The following CDK17 variants were observed in gnomAD, a reference collection of about 807,000 sequenced individuals.
CDK17 encodes cyclin-dependent kinase 17.
CDK17 carries 24 observed loss-of-function variants against 77.6 expected under a neutral mutation model. That is an observed-to-expected ratio of 0.31 (90% CI 0.22 to 0.44). CDK17 has a LOEUF of 0.44. Among genes scored for constraint, CDK17 ranks in the 20% least tolerant of loss-of-function variants. The pLI is 1.00. For synonymous variants in CDK17, 203 were observed against 210.4 expected, an observed-to-expected ratio of 0.96 and a Z score of 0.30; for missense variants, 429 against 622.5, an observed-to-expected ratio of 0.69 and a Z score of 3.31.
chr12:96,369,099 CAACT>C (rs923109170), intron 1 of CDK17, among the ~76,000 whole-genome samples: 2 of 151,804 alleles, frequency 1.3e-5, no homozygotes, highest in Non-Finnish European at 2.9e-5. Flanking sequence ...TCTGGTGAAT[CAACT>C]AACTCAGGAC....
chr12:96,301,231 A>G (rs1021247613), intron 5 of CDK17, among the ~76,000 whole-genome samples: 2 of 136,276 alleles, frequency 1.5e-5, no homozygotes, highest in African/African-American at 5.6e-5. Flanking sequence ...ACCCCCCCTC[A>G]ACACTCGGCC....
intron 1 of CDK17, among the ~76,000 whole-genome samples, chr12:96,374,155 A>G (rs1953741381): frequency 6.6e-6 from 1 of 152,218 alleles, no homozygotes; most frequent in Admixed American, 6.5e-5. Context: ...AAAATGAGAA[A>G]TTAAGTAACT....
At chr12:96,341,246 A>G (rs920296961) in intron 1 of CDK17, among the ~76,000 whole-genome samples, 9 of 151,984 alleles carry the variant, frequency 5.9e-5, no homozygotes, top group African/African-American at 1.9e-4. Flanking sequence ...TGTAAATGTC[A>G]TTCTTCAGAG....
chr12:96,377,225 T>C (rs907681975), intron 1 of CDK17, among the ~76,000 whole-genome samples: 4 of 152,200 alleles, frequency 2.6e-5, no homozygotes, highest in Non-Finnish European at 4.4e-5. Context: ...TGAACTTCCT[T>C]ATAACCTTGG....
chr12:96,293,375 T>C (rs1352892838), intron 10 of CDK17, among the ~76,000 whole-genome samples: 1 of 152,176 alleles, frequency 6.6e-6, no homozygotes, highest in Non-Finnish European at 1.5e-5. Flanking sequence ...GGATTCCACA[T>C]CTGTTTTTGC....
chr12:96,356,519 C>G (rs1953397313), intron 1 of CDK17, among the ~76,000 whole-genome samples: 1 of 152,180 alleles, frequency 6.6e-6, no homozygotes, highest in African/African-American at 2.4e-5. Context: ...AATCCTCCCA[C>G]CTGGGCCTCC....
At chr12:96,299,387 AATT>A (rs1333567691) in intron 6 of CDK17, among the ~76,000 whole-genome samples, 3 of 111,092 alleles carry the variant, frequency 2.7e-5, no homozygotes, top group South Asian at 3.3e-4. Flanking sequence ...TTAAATGATA[AATT>A]TTTTTTTTTT....
At chr12:96,283,179 G>A (rs1952198615) in intron 14 of CDK17, among the ~76,000 whole-genome samples, 1 of 152,146 alleles carries the variant, frequency 6.6e-6, no homozygotes, top group East Asian at 1.9e-4. Flanking sequence ...TTTCTGTAAA[G>A]CTTTTGCTTC....
chr12:96,316,089 G>C (rs1269350269), intron 3 of CDK17, among the ~76,000 whole-genome samples: 1 of 152,204 alleles, frequency 6.6e-6, no homozygotes, highest in Non-Finnish European at 1.5e-5. Flanking sequence ...GCGCAGGCCA[G>C]TGTGTGTGCG....
intron 1 of CDK17, among the ~76,000 whole-genome samples, chr12:96,339,199 G>A (rs1437834989): frequency 6.6e-6 from 1 of 152,150 alleles, no homozygotes; most frequent in African/African-American, 2.4e-5. Context: ...GTAACATTCT[G>A]TAACACAGAG....
chr12:96,375,964 G>A (rs1232454430), intron 1 of CDK17, among the ~76,000 whole-genome samples: 3 of 152,126 alleles, frequency 2.0e-5, no homozygotes, highest in African/African-American at 7.2e-5. Context: ...AGAATGCATT[G>A]TCTTTGCAAA....
At chr12:96,347,969 C>A (rs1285164069) in intron 1 of CDK17, among the ~76,000 whole-genome samples, 2 of 151,582 alleles carry the variant, frequency 1.3e-5, no homozygotes, top group Non-Finnish European at 2.9e-5. Context: ...AAGAAGAAAC[C>A]ACAAGAGATA....
chr12:96,393,638 G>T (rs1565850064), intron 1 of CDK17, among the ~76,000 whole-genome samples: 1 of 152,104 alleles, frequency 6.6e-6, no homozygotes, highest in Non-Finnish European at 1.5e-5. Context: ...GGAGGCTGAG[G>T]TGGGAGGATC....
rs887239635 is a variant in CDK17 at position 96,400,382 on chromosome 12, G to T, written c.-426C>A. The T allele has an allele frequency of 2.6e-6, 1 of 385,148 alleles. No homozygotes were observed. Among genetic ancestry groups the T allele is most frequent in the Non-Finnish European group, 4.6e-6 (1 of 217,760 alleles). The allele number at this position is 385,148 out of a possible 1,614,324, so 23.9% of individuals were successfully genotyped here. A position where few individuals can be genotyped will look rare whatever the true frequency, so the allele number is the denominator to read the frequency against. On this transcript the variant is annotated 5_prime_UTR_variant, in exon 1 of 17. Coordinates refer to ENST00000261211, the MANE Select transcript of CDK17 (RefSeq NM_002595.5). Reference sequence around the variant, plus strand: ...GCCCGCGGGGAGCTCAGGAGACTGCGGGCGGCCGCGTTCGCTCCTTGCGTG... The same window carrying T: ...GCCCGCGGGGAGCTCAGGAGACTGCTGGCGGCCGCGTTCGCTCCTTGCGTG...
intron 12 of CDK17, 24 bp from the exon 13 acceptor site, chr12:96,286,172 T>A: frequency 7.9e-6 from 5 of 636,930 alleles, no homozygotes; most frequent in Non-Finnish European, 1.2e-5. Context: ...AAAAATTAAA[T>A]ATATTTATAA....
At chr12:96,293,464 T>C (rs1322657734) in intron 10 of CDK17, among the ~76,000 whole-genome samples, 1 of 152,160 alleles carries the variant, frequency 6.6e-6, no homozygotes, top group Admixed American at 6.5e-5. Context: ...TATCACAACA[T>C]ACATATATGA....
intron 10 of CDK17, among the ~76,000 whole-genome samples, chr12:96,292,427 G>C (rs1281348458): frequency 6.6e-6 from 1 of 152,072 alleles, no homozygotes; most frequent in African/African-American, 2.4e-5. Flanking sequence ...ACAACATGGT[G>C]AAACCCCATC....
intron 1 of CDK17, among the ~76,000 whole-genome samples, chr12:96,356,971 C>T (rs1471569910): frequency 6.6e-6 from 1 of 152,072 alleles, no homozygotes; most frequent in Non-Finnish European, 1.5e-5. Flanking sequence ...GATAAATCCC[C>T]ACAGAAAGGG....
At chr12:96,300,650 G>A (rs535577940) in intron 5 of CDK17, among the ~76,000 whole-genome samples, 1 of 152,266 alleles carries the variant, frequency 6.6e-6, no homozygotes, top group Admixed American at 6.5e-5. Context: ...GCCTGCCTTG[G>A]CCTTCCAAAG....
Sources: gnomAD v4.1 joint callset for allele counts (sites outside exome capture counted in the v4.1 genomes callset) on GRCh38, gnomAD v4.1.1 for gene constraint, MANE v1.5 for transcripts, NCBI Gene and HGNC (gene_info 2026-07-23, HGNC 2026-07-21) for gene names.